Variants in TPCN2 observed in about 807,000 individuals in gnomAD.
The protein encoded by TPCN2 is two pore segment channel 2.
A neutral mutation model predicts 111.4 loss-of-function variants in TPCN2; 92 were observed. That is an observed-to-expected ratio of 0.83 (90% CI 0.70 to 0.98). The LOEUF (loss-of-function observed/expected upper bound fraction) is 0.98, where lower values mean the gene tolerates loss of function less well. Ranked by LOEUF, TPCN2 falls within the 50% of genes least tolerant of loss-of-function variation. The pLI is 0.00. For missense variants in TPCN2, 995 were observed against 980.1 expected (o/e 1.02, Z -0.20); for synonymous variants, 405 against 414.5 (o/e 0.98, Z 0.28).
chr11:69,054,681 A>G (rs763017235), intron 2 of TPCN2, 40 bp from the exon 3 acceptor site: 1 of 1,600,230 alleles, frequency 6.2e-7, no homozygotes. Flanking sequence ...CCCACCCTGC[A>G]TGCACCCATG....
At chr11:69,069,173 C>A (rs1251189379) in intron 8 of TPCN2, among the ~76,000 whole-genome samples, 31 of 139,602 alleles carry the variant, frequency 2.2e-4, no homozygotes, top group African/African-American at 8.6e-4. Flanking sequence ...GGGAGCAGGA[C>A]TGTCTGAGTC....
intron 1 of TPCN2, among the ~76,000 whole-genome samples, chr11:69,050,361 T>C (rs1861167287): frequency 6.6e-6 from 1 of 152,162 alleles, no homozygotes; most frequent in South Asian, 2.1e-4. Context: ...TGTGTGACCT[T>C]GGCAGGTTGC....
Position 69,055,234 on chromosome 11 carries a change from C to T in TPCN2, c.311C>T (p.Ser104Leu). The T allele has an allele frequency of 1.2e-6, 2 of 1,614,258 alleles. No homozygotes were observed. The highest frequency in any genetic ancestry group is 1.7e-6 in the Non-Finnish European group (2 of 1,180,048). Residue 104 changes from serine (S) to leucine (L), a missense_variant, in exon 4 of 25, where the codon TCA becomes TTA. Transcript: ENST00000294309. ...LFLAFIETPS[S>L]LTSTADVRYR... Reference sequence around the variant, plus strand: ...TTGGCTTTTATCGAGACCCCATCCTCACTCACCAGCACGGCGGACGTGCGC... The same window carrying T: ...TTGGCTTTTATCGAGACCCCATCCTTACTCACCAGCACGGCGGACGTGCGC...
rs200258895 is a variant in TPCN2, at chr11:69,078,873, C to A, written c.1411-19C>A. On this transcript the variant is annotated intron_variant, in intron 15 of 24. Coordinates refer to ENST00000294309, the MANE Select transcript of TPCN2 (RefSeq NM_139075.4). The stretch of plus-strand genomic sequence containing the variant: ...CAGCCCTGGGGCCCAATGCTGGGTG[C>A]CTCTTCTGCCCCTTTCAGATTCTCA... 935 of 1,613,922 alleles carry A rather than the reference C, an allele frequency of 5.8e-4. No individual in the cohort carries two copies. The highest frequency in any genetic ancestry group is 7.5e-4 in the Non-Finnish European group (883 of 1,179,920).
intron 1 of TPCN2, 85 bp downstream of exon 1, chr11:69,049,191 C>A: frequency 2.2e-6 from 2 of 912,062 alleles, no homozygotes; most frequent in Non-Finnish European, 2.9e-6. Flanking sequence ...ACCCCGCTTT[C>A]TGCCGGGCGC....
chr11:69,064,993 G>A (rs1007108581), intron 7 of TPCN2, among the ~76,000 whole-genome samples: 9 of 151,422 alleles, frequency 5.9e-5, no homozygotes, highest in African/African-American at 2.2e-4. Flanking sequence ...GTCTGTGTGC[G>A]TGTGTGGTGT....
intron 13 of TPCN2, among the ~76,000 whole-genome samples, chr11:69,076,155 G>C (rs1354609678): frequency 1.3e-5 from 2 of 152,172 alleles, no homozygotes; most frequent in East Asian, 3.9e-4. Flanking sequence ...ACCTGGAAGG[G>C]GACCCTCCGA....
At chr11:69,077,284 ATGTCCCTCCACTTGCCCTCCTGCCG>A (rs1855829336) in intron 13 of TPCN2, among the ~76,000 whole-genome samples, 4 of 16,402 alleles carry the variant, frequency 2.4e-4, no homozygotes, top group Non-Finnish European at 5.9e-4. Flanking sequence ...CCCTCCTGCC[ATGTCCCTCCACTTGCCCTCCTGCCG>A]TGTCCCTCCA....
rs1372627151 is a variant in TPCN2, at chr11:69,069,304, G to C, written c.830-1126G>C. 9.1e-5 allele frequency among the ~76,000 whole-genome samples: 4 copies of C among 44,088 alleles called. 1 individual carries two copies. The highest frequency in any genetic ancestry group is 1.8e-4 in the Admixed American group (1 of 5,590). The allele number at this position is 44,088 out of a possible 152,430, so 28.9% of individuals were successfully genotyped here. On this transcript the variant is annotated intron_variant, in intron 8 of 24. Transcript: ENST00000294309. ...GGGAGCAGGACCGTCTGAGTCCTAG[G>C]AAGTGACCGCAGTGGGAGCAGGACC... is the stretch of plus-strand genomic sequence containing the variant.
At chr11:69,086,374 T>C in intron 22 of TPCN2, 149 bp from the exon 23 acceptor site, 1 of 701,784 alleles carries the variant, frequency 1.4e-6, no homozygotes, top group Admixed American at 2.3e-5. Context: ...TTGGGTTGTT[T>C]CTGAGATGGA....
intron 23 of TPCN2, 49 bp downstream of exon 23, chr11:69,086,653 A>C (rs1325153622): frequency 6.3e-7 from 1 of 1,577,368 alleles, no homozygotes; most frequent in East Asian, 2.2e-5. Context: ...TTTGTTTCTA[A>C]TTCACTCTCG....
At chr11:69,051,464 G>A (rs1861222717) in intron 1 of TPCN2, among the ~76,000 whole-genome samples, 1 of 152,198 alleles carries the variant, frequency 6.6e-6, no homozygotes, top group Admixed American at 6.5e-5. Context: ...AGCACCTAGA[G>A]GTTAAGGGAC....
Position 69,079,660 on chromosome 11 carries a change from A to G in TPCN2, c.1540-174A>G, listed in dbSNP as rs899409763. Reference sequence around the variant, plus strand: ...TGAGGCCAGGGTGTCTTTCCAGCTGAAAGAAGTCCTGACATCTGGAACCAA... The same window carrying G: ...TGAGGCCAGGGTGTCTTTCCAGCTGGAAGAAGTCCTGACATCTGGAACCAA... On this transcript the variant is annotated intron_variant, in intron 16 of 24. Coordinates refer to ENST00000294309, the MANE Select transcript of TPCN2 (RefSeq NM_139075.4). 5.1e-6 allele frequency: 3 copies of G among 589,204 alleles called. No homozygotes were observed. In the East Asian group the frequency reaches 8.6e-5, roughly 17 times the overall value. 36.5% of individuals were successfully genotyped at this position (589,204 alleles called of 1,614,324 possible). A position where few individuals can be genotyped will look rare whatever the true frequency, so the allele number is the denominator to read the frequency against.
Position 69,054,781 on chromosome 11 carries a change from T to A in TPCN2, c.235T>A (p.Ser79Thr). The change falls in exon 3 of 25, where the codon TCG (serine) becomes ACG (threonine). Residue 79 changes from serine to threonine, a missense_variant. Transcript: ENST00000294309. ...GATGTGGCTTTACCGACGGTATTACTCGAACGTATGCCAACGGTGAGAACG... is the reference window on the plus strand; with the variant it reads ...GATGTGGCTTTACCGACGGTATTACACGAACGTATGCCAACGGTGAGAACG... ...SSMWLYRRYY[S>T]NVCQRTLSFT... is the part of the protein sequence containing the mutation. 6.2e-7 allele frequency: 1 copy of A among 1,614,144 alleles called. No homozygotes were observed. Among genetic ancestry groups the A allele is most frequent in the Non-Finnish European group, 8.5e-7 (1 of 1,179,992 alleles).
Position 69,078,504 on chromosome 11 carries a change from A to T in TPCN2, c.1253A>T (p.Gln418Leu), listed in dbSNP as rs775394380. The T allele has an allele frequency of 1.9e-6, 3 of 1,614,102 alleles. No homozygotes were observed. In the South Asian group the frequency reaches 3.3e-5, roughly 18 times the overall value. ...CAGCACCCGCCGAGGCCCGAGTACC[A>T]GTCTCCGTTTCTGCAGAGCGCCCAG... ...VKEHPPRPEY[Q>L]SPFLQSAQFL... Residue 418 changes from glutamine to leucine, a missense_variant, in exon 14 of 25, where the codon CAG becomes CTG. Coordinates refer to ENST00000294309, the MANE Select transcript of TPCN2 (RefSeq NM_139075.4).
At chr11:69,084,058 G>GTGGGAGGC (rs1014125462) in intron 19 of TPCN2, 42 bp downstream of exon 19, 3 of 1,599,198 alleles carry the variant, frequency 1.9e-6, no homozygotes, top group African/African-American at 2.7e-5. Flanking sequence ...ATGCACTGGA[G>GTGGGAGGC]TGGGAGGCTG....
rs1316852352 is a variant in TPCN2 at position 69,089,818 on chromosome 11, C to G, written c.*1865C>G. 6.6e-6 allele frequency: 1 copy of G among 151,340 alleles called. No homozygotes were observed. Among genetic ancestry groups the G allele is most frequent in the African/African-American group, 2.4e-5 (1 of 41,102 alleles). The allele number at this position is 151,340 out of a possible 1,614,324, so 9.4% of individuals were successfully genotyped here. ...TGCTCCCACCTGTGTGGATCCTGGTCCCTTCTTGTATTCAGGGCTGTGGTC... is the reference window on the plus strand; with the variant it reads ...TGCTCCCACCTGTGTGGATCCTGGTGCCTTCTTGTATTCAGGGCTGTGGTC... On this transcript the variant is annotated 3_prime_UTR_variant, in exon 25 of 25. Coordinates refer to ENST00000294309, the MANE Select transcript of TPCN2 (RefSeq NM_139075.4).
chr11:69,086,406 A>G (rs1389425660), intron 22 of TPCN2, 117 bp from the exon 23 acceptor site: 6 of 831,078 alleles, frequency 7.2e-6, no homozygotes, highest in African/African-American at 5.0e-5. Flanking sequence ...GCTCTGCATC[A>G]TGGTGTGTGT....
chr11:69,084,884 T>C, intron 19 of TPCN2: 4 of 859,920 alleles, frequency 4.7e-6, no homozygotes, highest in Non-Finnish European at 5.6e-6. Flanking sequence ...CCTTCCACTC[T>C]GCTGACGCAT....
Sources: gnomAD v4.1 joint callset for allele counts (sites outside exome capture counted in the v4.1 genomes callset) on GRCh38, gnomAD v4.1.1 for gene constraint, MANE v1.5 for transcripts, NCBI Gene and HGNC (gene_info 2026-07-23, HGNC 2026-07-21) for gene names.